Variants in PLCB1 observed in about 807,000 individuals in gnomAD.
PLCB1 encodes the protein phospholipase C beta 1, also known as 1-phosphatidylinositol 4,5-bisphosphate phosphodiesterase beta-1.
A neutral mutation model predicts 161.8 loss-of-function variants in PLCB1; 46 were observed. The ratio of observed to expected loss-of-function variants is 0.28; its 90% CI spans 0.22 to 0.36. The LOEUF is 0.36. Among genes scored for constraint, PLCB1 ranks in the 10% least tolerant of loss-of-function variants. The pLI, the probability that PLCB1 is intolerant of heterozygous loss-of-function variation, is 1.00. For missense variants in PLCB1, 1,016 were observed against 1,472.5 expected (o/e 0.69, Z 5.07); for synonymous variants, 517 against 503.7 (o/e 1.03, Z -0.35).
chr20:8,334,847 T>C (rs6140601), intron 2 of PLCB1, among the ~76,000 whole-genome samples: 1 of 152,248 alleles, frequency 6.6e-6, no homozygotes, highest in Non-Finnish European at 1.5e-5. Context: ...TGCTTTTCCA[T>C]GCATAGCTGC....
At chr20:8,742,331 A>T (rs1446536669) in intron 23 of PLCB1, among the ~76,000 whole-genome samples, 1 of 152,168 alleles carries the variant, frequency 6.6e-6, no homozygotes, top group African/African-American at 2.4e-5. Flanking sequence ...GAAAATGGAG[A>T]ACTGTCAGTA....
intron 2 of PLCB1, among the ~76,000 whole-genome samples, chr20:8,283,476 TAATA>T (rs1982974043): frequency 1.3e-5 from 2 of 151,408 alleles, no homozygotes; most frequent in Admixed American, 6.6e-5. Context: ...CTTTTTTTAA[TAATA>T]AATGCTCTAA....
At chr20:8,400,015 G>A (rs1010585873) in intron 3 of PLCB1, among the ~76,000 whole-genome samples, 1 of 152,048 alleles carries the variant, frequency 6.6e-6, no homozygotes, top group South Asian at 2.1e-4. Context: ...TAAAGCCTGT[G>A]GGAACAGATT....
At chr20:8,187,336 A>G (rs915174001) in intron 2 of PLCB1, among the ~76,000 whole-genome samples, 3 of 151,882 alleles carry the variant, frequency 2.0e-5, no homozygotes, top group African/African-American at 4.8e-5. Context: ...CCCCTTTCCC[A>G]TATTGAAAAC....
intron 12 of PLCB1, among the ~76,000 whole-genome samples, chr20:8,712,107 C>T (rs1470519186): frequency 6.6e-6 from 1 of 152,092 alleles, no homozygotes; most frequent in East Asian, 1.9e-4. Flanking sequence ...TCGAGACCAT[C>T]CTGGCCAACA....
At chr20:8,290,211 T>C (rs1349856316) in intron 2 of PLCB1, among the ~76,000 whole-genome samples, 1 of 152,174 alleles carries the variant, frequency 6.6e-6, no homozygotes, top group East Asian at 1.9e-4. Flanking sequence ...AAAAATTGAC[T>C]CCAGAACTCA....
At chr20:8,547,446 A>G (rs1034284425) in intron 3 of PLCB1, among the ~76,000 whole-genome samples, 2 of 152,166 alleles carry the variant, frequency 1.3e-5, no homozygotes. Flanking sequence ...TTACAAAAGC[A>G]TCACCTCCTT....
chr20:8,781,404 A>C (rs956759950), intron 27 of PLCB1, among the ~76,000 whole-genome samples: 1 of 83,918 alleles, frequency 1.2e-5, no homozygotes, highest in African/African-American at 4.5e-5. Context: ...ACAAACACAC[A>C]CACACACACA....
chr20:8,502,377 T>G (rs374264445), intron 3 of PLCB1, among the ~76,000 whole-genome samples: 14 of 152,292 alleles, frequency 9.2e-5, no homozygotes, highest in African/African-American at 3.1e-4. Context: ...TTTTGTAACA[T>G]TTTTTAACTC....
intron 2 of PLCB1, among the ~76,000 whole-genome samples, chr20:8,209,501 A>G (rs886320062): frequency 6.6e-6 from 1 of 152,138 alleles, no homozygotes; most frequent in Non-Finnish European, 1.5e-5. Context: ...GATGTGTTAC[A>G]TTGTTTTAAA....
rs1988077054 is a variant in PLCB1, at chr20:8,883,747, A to G, written c.*1898A>G. On this transcript the variant is annotated 3_prime_UTR_variant, in exon 32 of 32. Coordinates refer to ENST00000338037, the MANE Select transcript of PLCB1 (RefSeq NM_015192.4). ...AAGGGGAAAATCACATCCTCTTTGG[A>G]GATGATTATATTTTGATCTGAAGGG... is the stretch of plus-strand genomic sequence containing the variant. The G allele has an allele frequency of 6.6e-6, 1 of 152,456 alleles. No homozygotes were observed. The highest frequency in any genetic ancestry group is 1.5e-5 in the Non-Finnish European group (1 of 67,946). The allele number at this position is 152,456 out of a possible 1,614,324, so 9.4% of individuals were successfully genotyped here.
intron 3 of PLCB1, among the ~76,000 whole-genome samples, chr20:8,559,908 T>C (rs1986089461): frequency 6.6e-6 from 1 of 152,002 alleles, no homozygotes; most frequent in Non-Finnish European, 1.5e-5. Flanking sequence ...TTTTATAACA[T>C]AGAAATTCCT....
At position 8,349,362 on chromosome 20, in the gene PLCB1, G is replaced by A. The variant is rs570131810; in HGVS notation, c.178-22020G>A. ...TTACAGTCACAATTCAATATAAAGGGTCTTTTGCTAGCGTTCATGTATTTT... is the reference window on the plus strand; with the variant it reads ...TTACAGTCACAATTCAATATAAAGGATCTTTTGCTAGCGTTCATGTATTTT... On this transcript the variant is annotated intron_variant, in intron 2 of 31. Transcript: ENST00000338037. 2.6e-5 allele frequency among the ~76,000 whole-genome samples: 4 copies of A among 152,276 alleles called. No individual in the cohort carries two copies. In the South Asian group the frequency reaches 6.2e-4, roughly 24 times the overall value.
At chr20:8,708,614 G>A in intron 11 of PLCB1, 56 bp from the exon 12 acceptor site, 1 of 1,045,098 alleles carries the variant, frequency 9.6e-7, no homozygotes, top group Non-Finnish European at 1.5e-6. Context: ...TACCTTTCAA[G>A]AATATACAGA....
intron 3 of PLCB1, among the ~76,000 whole-genome samples, chr20:8,426,671 A>T (rs992900928): frequency 6.6e-6 from 1 of 152,170 alleles, no homozygotes; most frequent in Non-Finnish European, 1.5e-5. Flanking sequence ...TCTTTGTTAA[A>T]TAAGTAGGTT....
At chr20:8,177,058 A>G (rs2051790911) in intron 2 of PLCB1, among the ~76,000 whole-genome samples, 1 of 152,154 alleles carries the variant, frequency 6.6e-6, no homozygotes, top group Non-Finnish European at 1.5e-5. Flanking sequence ...ATCAAATTAA[A>G]ATAATTTTAC....
intron 9 of PLCB1, among the ~76,000 whole-genome samples, chr20:8,671,417 G>A (rs1989941075): frequency 6.6e-6 from 1 of 152,148 alleles, no homozygotes; most frequent in Non-Finnish European, 1.5e-5. Flanking sequence ...CTAAAAATCA[G>A]ATTCATGGGT....
At chr20:8,583,491 C>T (rs1273169675) in intron 3 of PLCB1, among the ~76,000 whole-genome samples, 1 of 152,180 alleles carries the variant, frequency 6.6e-6, no homozygotes, top group African/African-American at 2.4e-5. Context: ...TCTAACCTAA[C>T]ACAGTCAGCC....
chr20:8,469,844 TAG>T (rs1870179155), intron 3 of PLCB1, among the ~76,000 whole-genome samples: 1 of 152,178 alleles, frequency 6.6e-6, no homozygotes, highest in Admixed American at 6.5e-5. Context: ...AGCGTATTCG[TAG>T]AGTTATGCAA....
Sources: gnomAD v4.1 joint callset for allele counts (sites outside exome capture counted in the v4.1 genomes callset) on GRCh38, gnomAD v4.1.1 for gene constraint, MANE v1.5 for transcripts, NCBI Gene and HGNC (gene_info 2026-07-23, HGNC 2026-07-21) for gene names.